Variants in UNC5D observed in about 807,000 individuals in gnomAD.
UNC5D encodes unc-5 netrin receptor D.
A neutral mutation model predicts 105.4 loss-of-function variants in UNC5D; 39 were observed. The observed-to-expected ratio is 0.37, with a 90% CI of 0.29 to 0.48. The LOEUF (loss-of-function observed/expected upper bound fraction) is 0.48, where lower values mean the gene tolerates loss of function less well. Among genes scored for constraint, UNC5D ranks in the 20% least tolerant of loss-of-function variants. The pLI, the probability that UNC5D is intolerant of heterozygous loss-of-function variation, is 0.98. For missense variants in UNC5D, 991 were observed against 1,202.4 expected, an observed-to-expected ratio of 0.82 and a Z score of 2.60; for synonymous variants, 452 against 450.4, an observed-to-expected ratio of 1.00 and a Z score of -0.04.
At chr8:35,709,378 T>A (rs931623280) in intron 8 of UNC5D, among the ~76,000 whole-genome samples, 1 of 152,066 alleles carries the variant, frequency 6.6e-6, no homozygotes, top group South Asian at 2.1e-4. Flanking sequence ...TGATGTAAAG[T>A]GTTCAGGGGT....
intron 1 of UNC5D, among the ~76,000 whole-genome samples, chr8:35,542,477 T>C (rs1324944069): frequency 6.6e-6 from 1 of 152,220 alleles, no homozygotes; most frequent in East Asian, 1.9e-4. Context: ...ATTACTCTAT[T>C]TACATATTGC....
chr8:35,568,290 T>C, intron 3 of UNC5D, 49 bp downstream of exon 3: 1 of 1,597,754 alleles, frequency 6.3e-7, no homozygotes, highest in Non-Finnish European at 8.5e-7. Flanking sequence ...AAATGAGAGT[T>C]AAATAGAGCT....
intron 1 of UNC5D, among the ~76,000 whole-genome samples, chr8:35,350,092 A>G (rs924582313): frequency 6.6e-6 from 1 of 151,926 alleles, no homozygotes; most frequent in African/African-American, 2.4e-5. Flanking sequence ...GGATCTCCCG[A>G]AAGAGTCTTG....
chr8:35,497,668 G>T (rs190600925), intron 1 of UNC5D, among the ~76,000 whole-genome samples: 1 of 151,896 alleles, frequency 6.6e-6, no homozygotes, highest in East Asian at 1.9e-4. Flanking sequence ...AAAAAAAGAC[G>T]GGGGAATAAT....
intron 2 of UNC5D, among the ~76,000 whole-genome samples, chr8:35,553,309 T>G (rs1234270355): frequency 6.6e-6 from 1 of 151,958 alleles, no homozygotes; most frequent in Non-Finnish European, 1.5e-5. Context: ...GCGTTTTTTA[T>G]TACATTCTCT....
intron 1 of UNC5D, among the ~76,000 whole-genome samples, chr8:35,503,952 C>A (rs1287494602): frequency 1.3e-5 from 2 of 152,196 alleles, no homozygotes; most frequent in Non-Finnish European, 2.9e-5. Context: ...CTTCCAGAAA[C>A]AATCCTATAA....
intron 1 of UNC5D, among the ~76,000 whole-genome samples, chr8:35,276,720 A>G (rs1008818736): frequency 1.8e-4 from 27 of 152,216 alleles, no homozygotes; most frequent in African/African-American, 6.5e-4. Flanking sequence ...TAGCCTCCAT[A>G]GCAACTGTTT....
chr8:35,562,478 C>T (rs1211681644), intron 2 of UNC5D, among the ~76,000 whole-genome samples: 1 of 152,146 alleles, frequency 6.6e-6, no homozygotes, highest in African/African-American at 2.4e-5. Context: ...TCTGTCTCCA[C>T]ATTCTCTCTA....
chr8:35,679,855 C>A (rs1221385709), intron 4 of UNC5D, among the ~76,000 whole-genome samples: 1 of 152,118 alleles, frequency 6.6e-6, no homozygotes, highest in East Asian at 1.9e-4. Context: ...TCTTACCGTT[C>A]TGGAGGCTGA....
intron 1 of UNC5D, among the ~76,000 whole-genome samples, chr8:35,316,374 GA>G (rs1301312050): frequency 6.6e-6 from 1 of 152,142 alleles, no homozygotes; most frequent in Non-Finnish European, 1.5e-5. Context: ...ATGGAGATGA[GA>G]AAGGGGCTTA....
At position 35,634,166 on chromosome 8, in the gene UNC5D, A is replaced by G. The variant is rs151292571; in HGVS notation, c.570+38509A>G. On this transcript the variant is annotated intron_variant, in intron 4 of 16. Coordinates refer to ENST00000404895, the MANE Select transcript of UNC5D (RefSeq NM_080872.4). ...AACATTTAAAATCAGGATTATTTGGAAAACGGTTTGTAAACTCCAAAGTGA... is the reference window on the plus strand; with the variant it reads ...AACATTTAAAATCAGGATTATTTGGGAAACGGTTTGTAAACTCCAAAGTGA... Among the ~76,000 whole-genome samples the G allele has an allele frequency of 6.3e-3, 966 of 152,316 alleles. 6 individuals are homozygous for G. Among genetic ancestry groups the G allele is most frequent in the African/African-American group, 0.023 (937 of 41,574 alleles).
intron 1 of UNC5D, among the ~76,000 whole-genome samples, chr8:35,346,868 T>G (rs1811841808): frequency 6.6e-6 from 1 of 152,050 alleles, no homozygotes; most frequent in East Asian, 1.9e-4. Context: ...CTAATGATTC[T>G]GTATTTCAGA....
chr8:35,423,483 T>A (rs2128968091), intron 1 of UNC5D, among the ~76,000 whole-genome samples: 1 of 152,312 alleles, frequency 6.6e-6, no homozygotes, highest in Non-Finnish European at 1.5e-5. Flanking sequence ...TATTTTGAGG[T>A]CAGAAACCAT....
At position 35,313,974 on chromosome 8, in the gene UNC5D, G is replaced by T. The variant is rs369813362; in HGVS notation, c.103+78087G>T. 3.4e-3 allele frequency among the ~76,000 whole-genome samples: 524 copies of T among 152,196 alleles called. 4 individuals carry two copies. Among genetic ancestry groups the T allele is most frequent in the African/African-American group, 0.012 (501 of 41,544 alleles). ...AAATTTTTTTTATGCTTCATTGAGC[G>T]CAAGAAAGGTGTCAGGAGAATGGAA... is the stretch of plus-strand genomic sequence containing the variant. On this transcript the variant is annotated intron_variant, in intron 1 of 16. Transcript: ENST00000404895.
At chr8:35,552,299 C>A (rs887753282) in intron 2 of UNC5D, among the ~76,000 whole-genome samples, 1 of 151,700 alleles carries the variant, frequency 6.6e-6, no homozygotes, top group African/African-American at 2.4e-5. Context: ...GTTTCAAGGA[C>A]CCAGATCTCC....
intron 1 of UNC5D, among the ~76,000 whole-genome samples, chr8:35,443,104 C>A (rs867631087): frequency 2.6e-5 from 4 of 151,844 alleles, no homozygotes; most frequent in Non-Finnish European, 5.9e-5. Flanking sequence ...CACATATTTT[C>A]TTTATACCAT....
intron 1 of UNC5D, among the ~76,000 whole-genome samples, chr8:35,242,681 G>T (rs554077253): frequency 6.6e-5 from 10 of 151,968 alleles, no homozygotes; most frequent in Non-Finnish European, 1.3e-4. Flanking sequence ...CACCACGTTG[G>T]TCAGGCTGGT....
At chr8:35,296,428 T>A (rs1206202451) in intron 1 of UNC5D, among the ~76,000 whole-genome samples, 1 of 152,216 alleles carries the variant, frequency 6.6e-6, no homozygotes, top group East Asian at 1.9e-4. Context: ...AAGAATCTTT[T>A]TTTTTGTTGA....
chr8:35,450,883 G>A (rs1357698530), intron 1 of UNC5D, among the ~76,000 whole-genome samples: 2 of 152,076 alleles, frequency 1.3e-5, no homozygotes, highest in African/African-American at 4.8e-5. Flanking sequence ...TCCAATGATA[G>A]GCTAAAGTAA....
Sources: allele counts gnomAD v4.1 joint callset (sites outside exome capture counted in the v4.1 genomes callset), GRCh38; gene constraint gnomAD v4.1.1; transcripts MANE v1.5; gene names NCBI Gene and HGNC (gene_info 2026-07-23, HGNC 2026-07-21).